NECAB1: variants seen among roughly 807,000 people sequenced by gnomAD.
NECAB1 encodes N-terminal EF-hand calcium binding protein 1.
Under a neutral mutation model 57.5 loss-of-function variants are expected in NECAB1, and 29 were observed. The observed-to-expected ratio is 0.50, with a 90% confidence interval of 0.38 to 0.69. The LOEUF (loss-of-function observed/expected upper bound fraction) is 0.69, where lower values mean the gene tolerates loss of function less well. Ranked by LOEUF, NECAB1 falls within the 30% of genes least tolerant of loss-of-function variation. NECAB1 has a pLI of 0.00. For synonymous variants in NECAB1, 142 were observed against 147.7 expected (o/e 0.96, Z 0.28); for missense variants, 372 against 413.8 (o/e 0.90, Z 0.88).
chr8:90,865,267 C>T (rs937517431), intron 3 of NECAB1, among the ~76,000 whole-genome samples: 10 of 152,108 alleles, frequency 6.6e-5, no homozygotes, highest in African/African-American at 2.4e-5. Context: ...ACATGAGGTA[C>T]TGTGTTTATA....
chr8:90,936,723 T>C (rs1381833967), intron 9 of NECAB1, among the ~76,000 whole-genome samples: 1 of 152,154 alleles, frequency 6.6e-6, no homozygotes, highest in African/African-American at 2.4e-5. Flanking sequence ...TCCTGAACCC[T>C]AGCAACTGCC....
chr8:90,833,027 T>C (rs1481995709), intron 3 of NECAB1, among the ~76,000 whole-genome samples: 1 of 152,186 alleles, frequency 6.6e-6, no homozygotes, highest in East Asian at 1.9e-4. Flanking sequence ...TTGCTTTAAT[T>C]GCTGCCTTTT....
chr8:90,909,138 G>A (rs1417299280), intron 5 of NECAB1, among the ~76,000 whole-genome samples: 1 of 152,118 alleles, frequency 6.6e-6, no homozygotes, highest in East Asian at 1.9e-4. Flanking sequence ...ATAGTGGATA[G>A]TGTGTTCTCC....
intron 4 of NECAB1, among the ~76,000 whole-genome samples, chr8:90,873,300 T>C (rs1808653582): frequency 6.6e-6 from 1 of 152,228 alleles, no homozygotes; most frequent in Admixed American, 6.5e-5. Context: ...GACATGCTTT[T>C]GTTAGTTATG....
Position 90,958,421 on chromosome 8 carries a change from T to C in NECAB1, c.*2909T>C, listed in dbSNP as rs897287347. 2 of 151,588 alleles carry C rather than the reference T, an allele frequency of 1.3e-5. No homozygotes were observed. Among genetic ancestry groups the C allele is most frequent in the East Asian group, 3.9e-4 (2 of 5,182 alleles). 9.4% of individuals were successfully genotyped at this position (151,588 alleles called of 1,614,324 possible). On this transcript the variant is annotated 3_prime_UTR_variant, in exon 13 of 13. Coordinates refer to ENST00000417640, the MANE Select transcript of NECAB1 (RefSeq NM_022351.5). ...TAGTAATTATGAATTTAAGACCATA[T>C]TATTATCAAAAACCTAGAGACCAAT...
chr8:90,875,466 C>T (rs1324859173), intron 4 of NECAB1, among the ~76,000 whole-genome samples: 32 of 108,818 alleles, frequency 2.9e-4, no homozygotes, highest in African/African-American at 1.1e-3. Context: ...CCGGCCTGGG[C>T]GACAGAGCGA....
rs1460532994 is a variant in NECAB1, at chr8:90,881,150, T to A, written c.357+20T>A. 1.4e-6 allele frequency: 2 copies of A among 1,479,488 alleles called. No individual in the cohort carries two copies. The highest frequency in any genetic ancestry group is 1.8e-6 in the Non-Finnish European group (2 of 1,085,644). The allele number at this position is 1,479,488 out of a possible 1,614,324, so 91.6% of individuals were successfully genotyped here. ...AAGAAAGTAAGAAAATGTTAATGTT[T>A]ATTTTCTATAAAAATCTCTTCTTTG... On this transcript the variant is annotated intron_variant, in intron 5 of 12. Transcript: ENST00000417640.
chr8:90,951,018 C>G, intron 11 of NECAB1, 95 bp from the exon 12 acceptor site: 1 of 594,888 alleles, frequency 1.7e-6, no homozygotes, highest in Non-Finnish European at 2.7e-6. Flanking sequence ...CCAAATCATC[C>G]CAAACTTTGC....
At chr8:90,827,340 C>T (rs1812241576) in intron 3 of NECAB1, among the ~76,000 whole-genome samples, 1 of 151,976 alleles carries the variant, frequency 6.6e-6, no homozygotes, top group African/African-American at 2.4e-5. Context: ...CACTGTCTCA[C>T]ACTGTTTGTG....
intron 2 of NECAB1, among the ~76,000 whole-genome samples, chr8:90,818,261 A>G (rs970471766): frequency 6.6e-6 from 1 of 151,796 alleles, no homozygotes; most frequent in Non-Finnish European, 1.5e-5. Flanking sequence ...TATTTTCTCC[A>G]TAGTTTTCCT....
At chr8:90,910,200 T>A (rs111916441) in intron 5 of NECAB1, among the ~76,000 whole-genome samples, 11 of 147,530 alleles carry the variant, frequency 7.5e-5, no homozygotes, top group African/African-American at 2.2e-4. Flanking sequence ...TTTTGTTCAT[T>A]TCTTGAAATC....
At chr8:90,869,558 T>C (rs934431294) in intron 3 of NECAB1, among the ~76,000 whole-genome samples, 1 of 152,214 alleles carries the variant, frequency 6.6e-6, no homozygotes, top group Non-Finnish European at 1.5e-5. Flanking sequence ...AGGAGATTAT[T>C]TGGGAGCTTT....
intron 1 of NECAB1, among the ~76,000 whole-genome samples, chr8:90,796,666 T>C (rs1390233184): frequency 6.6e-6 from 1 of 152,176 alleles, no homozygotes; most frequent in Non-Finnish European, 1.5e-5. Flanking sequence ...CTGACCATAA[T>C]ATTTAAATTT....
At chr8:90,894,538 G>A (rs1413151885) in intron 5 of NECAB1, among the ~76,000 whole-genome samples, 11 of 152,126 alleles carry the variant, frequency 7.2e-5, no homozygotes. Flanking sequence ...ATGTTGGGAG[G>A]ATAAAATGAT....
chr8:90,922,595 C>A (rs1047747993), intron 6 of NECAB1, among the ~76,000 whole-genome samples: 5 of 145,754 alleles, frequency 3.4e-5, no homozygotes, highest in Non-Finnish European at 5.9e-5. Context: ...CGGGTTCAAG[C>A]AATTCTCCTG....
At chr8:90,929,632 G>C (rs1237385761) in intron 8 of NECAB1, among the ~76,000 whole-genome samples, 3 of 152,162 alleles carry the variant, frequency 2.0e-5, no homozygotes, top group Non-Finnish European at 4.4e-5. Flanking sequence ...CCTGGATAGG[G>C]GAGGGGGAAA....
intron 2 of NECAB1, among the ~76,000 whole-genome samples, chr8:90,814,059 C>T (rs1305728443): frequency 2.0e-5 from 3 of 152,208 alleles, no homozygotes; most frequent in African/African-American, 7.2e-5. Flanking sequence ...GATACTGAGA[C>T]TGCATTCAGT....
At chr8:90,907,143 T>TGA (rs67911820) in intron 5 of NECAB1, among the ~76,000 whole-genome samples, 8,170 of 105,616 alleles carry the variant, frequency 0.077, 311 homozygotes, top group East Asian at 0.21. Flanking sequence ...TGTGTGTGTG[T>TGA]GTGTGTGTGA....
chr8:90,925,012 A>G (rs1810225527), intron 6 of NECAB1, among the ~76,000 whole-genome samples: 1 of 151,896 alleles, frequency 6.6e-6, no homozygotes, highest in African/African-American at 2.4e-5. Context: ...ATATCATAAC[A>G]TATACTCATA....
Sources: allele counts gnomAD v4.1 joint callset (sites outside exome capture counted in the v4.1 genomes callset), GRCh38; gene constraint gnomAD v4.1.1; transcripts MANE v1.5; gene names NCBI Gene and HGNC (gene_info 2026-07-23, HGNC 2026-07-21).